Variants in CDIN1 observed in about 807,000 individuals in gnomAD.
CDIN1 encodes CDAN1 interacting nuclease 1.
CDIN1 carries 33 observed loss-of-function variants against 45.3 expected under a neutral mutation model. The observed-to-expected ratio is 0.73, with a 90% CI of 0.55 to 0.97. CDIN1 has a LOEUF of 0.97. Among genes scored for constraint, CDIN1 ranks in the 50% least tolerant of loss-of-function variants. The pLI is 0.00. For synonymous variants in CDIN1, 118 were observed against 124.4 expected (o/e 0.95, Z 0.34); for missense variants, 303 against 339.4 (o/e 0.89, Z 0.84).
chr15:36,736,370 T>C (rs935626685), intron 10 of CDIN1, among the ~76,000 whole-genome samples: 4 of 152,178 alleles, frequency 2.6e-5, no homozygotes, highest in Admixed American at 2.6e-4. Context: ...CTCTTCCCAT[T>C]GTTGTCCAGT....
At position 36,709,172 on chromosome 15, in the gene CDIN1, T is replaced by C; in HGVS notation, c.545-51T>C. ...AGAAATAAAAACAAATATATTCCTATCTTGTTAATTGAATAGTGTTTTAAG... is the reference window on the plus strand; with the variant it reads ...AGAAATAAAAACAAATATATTCCTACCTTGTTAATTGAATAGTGTTTTAAG... On this transcript the variant is annotated intron_variant, in intron 8 of 10. Transcript: ENST00000566621. 3.4e-6 allele frequency: 5 copies of C among 1,450,008 alleles called. No individual in the cohort carries two copies. In the South Asian group the frequency reaches 6.7e-5, roughly 19 times the overall value. The allele number at this position is 1,450,008 out of a possible 1,614,324, so 89.8% of individuals were successfully genotyped here. A position where few individuals can be genotyped will look rare whatever the true frequency, so the allele number is the denominator to read the frequency against.
At chr15:36,742,152 T>C (rs2044261318) in intron 10 of CDIN1, among the ~76,000 whole-genome samples, 1 of 152,046 alleles carries the variant, frequency 6.6e-6, no homozygotes, top group South Asian at 2.1e-4. Context: ...AACTAGTGTG[T>C]ATATGTGAGA....
At chr15:36,801,736 A>T (rs918723518) in intron 10 of CDIN1, among the ~76,000 whole-genome samples, 5 of 152,196 alleles carry the variant, frequency 3.3e-5, no homozygotes, top group African/African-American at 4.8e-5. Context: ...GTGATTCTGT[A>T]ATTCTCATTC....
At chr15:36,633,163 A>G (rs1188166796) in intron 1 of CDIN1, among the ~76,000 whole-genome samples, 1 of 152,204 alleles carries the variant, frequency 6.6e-6, no homozygotes. Flanking sequence ...AAGAACAGAG[A>G]ATGATAAATG....
chr15:36,655,324 T>G (rs1463830610), intron 4 of CDIN1, among the ~76,000 whole-genome samples: 1 of 28,548 alleles, frequency 3.5e-5, no homozygotes, highest in Non-Finnish European at 6.9e-5. Flanking sequence ...TTTTTTTTTT[T>G]GCTTTTTTTT....
At position 36,645,405 on chromosome 15, in the gene CDIN1, A is replaced by C. The variant is rs11073192; in HGVS notation, c.212+118A>C. On this transcript the variant is annotated intron_variant, in intron 3 of 10. Coordinates refer to ENST00000566621, the MANE Select transcript of CDIN1 (RefSeq NM_001321759.2). ...TATCCCAAGACATTGTGTTTTAAGT[A>C]TTTTATTCAAAACTTTTAGTATGTT... 858,270 of 894,820 alleles carry C rather than the reference A, an allele frequency of 0.96. 411,779 individuals are homozygous for C. Among genetic ancestry groups the C allele is most frequent in the East Asian group, 1 (36,371 of 36,398 alleles). The allele number at this position is 894,820 out of a possible 1,614,324, so 55.4% of individuals were successfully genotyped here.
intron 10 of CDIN1, among the ~76,000 whole-genome samples, chr15:36,794,735 C>G (rs1055511587): frequency 6.6e-6 from 1 of 152,120 alleles, no homozygotes. Flanking sequence ...TGTTCTTTCT[C>G]TTTTTAAAAA....
chr15:36,625,315 T>G lies in CDIN1; in HGVS notation c.102-18963T>G, dbSNP rs182129100. Among the ~76,000 whole-genome samples, 3 of 152,192 alleles carry G rather than the reference T, an allele frequency of 2.0e-5. No homozygotes were observed. In the East Asian group the frequency reaches 5.8e-4, roughly 29 times the overall value. ...AAAAAAGTATTCTAAACTTTTTTAC[T>G]CTGTGAAAAGGTTGGAAAGTAACTG... On this transcript the variant is annotated intron_variant, in intron 1 of 10. Coordinates refer to ENST00000566621, the MANE Select transcript of CDIN1 (RefSeq NM_001321759.2).
chr15:36,730,353 A>G (rs1231294784), intron 10 of CDIN1, among the ~76,000 whole-genome samples: 1 of 152,162 alleles, frequency 6.6e-6, no homozygotes, highest in Non-Finnish European at 1.5e-5. Context: ...CATGTTGGTA[A>G]TAAGTGGTTT....
chr15:36,797,505 A>G (rs932495510), intron 10 of CDIN1, among the ~76,000 whole-genome samples: 4 of 152,196 alleles, frequency 2.6e-5, no homozygotes, highest in African/African-American at 9.7e-5. Context: ...AACCATCAGT[A>G]GTGTTACTTA....
intron 1 of CDIN1, among the ~76,000 whole-genome samples, chr15:36,625,210 G>A (rs1032758848): frequency 6.6e-6 from 1 of 152,020 alleles, no homozygotes; most frequent in East Asian, 1.9e-4. Context: ...GAACCCGGGA[G>A]GCAGAGCTTG....
chr15:36,620,277 G>T (rs541980399), intron 1 of CDIN1, among the ~76,000 whole-genome samples: 1 of 152,076 alleles, frequency 6.6e-6, no homozygotes, highest in Non-Finnish European at 1.5e-5. Flanking sequence ...CGTGACACCG[G>T]GGGGCGGAGC....
At chr15:36,592,493 GT>G (rs531419640) in intron 1 of CDIN1, among the ~76,000 whole-genome samples, 172 of 152,270 alleles carry the variant, frequency 1.1e-3, no homozygotes, top group African/African-American at 3.9e-3. Flanking sequence ...TTTCATAGAT[GT>G]TTTTACACCC....
chr15:36,745,761 T>A (rs369089072), intron 10 of CDIN1, among the ~76,000 whole-genome samples: 3 of 151,136 alleles, frequency 2.0e-5, no homozygotes, highest in African/African-American at 7.3e-5. Context: ...AAGTCAGGAG[T>A]TCAAGACCGG....
chr15:36,660,393 T>A (rs2040961113), intron 5 of CDIN1, among the ~76,000 whole-genome samples: 1 of 152,130 alleles, frequency 6.6e-6, no homozygotes, highest in African/African-American at 2.4e-5. Context: ...AAAATCCTAT[T>A]CTTTTGGGGG....
chr15:36,808,475 A>G lies in CDIN1; in HGVS notation c.*22A>G, dbSNP rs1406496036. 1.2e-6 allele frequency: 2 copies of G among 1,612,586 alleles called. No homozygotes were observed. Among genetic ancestry groups the G allele is most frequent in the East Asian group, 2.2e-5 (1 of 44,844 alleles). On this transcript the variant is annotated 3_prime_UTR_variant, in exon 11 of 11. Transcript: ENST00000566621. Reference sequence around the variant, plus strand: ...TTGACCCTGAAGATCCTGGAAGAGAAGCTGGGAGGAAAAGGTGAATCCGGA... The same window carrying G: ...TTGACCCTGAAGATCCTGGAAGAGAGGCTGGGAGGAAAAGGTGAATCCGGA...
intron 10 of CDIN1, among the ~76,000 whole-genome samples, chr15:36,733,361 C>A (rs1037596622): frequency 6.6e-6 from 1 of 152,018 alleles, no homozygotes; most frequent in South Asian, 2.1e-4. Context: ...AGCACATATG[C>A]AGTATTTTCA....
At chr15:36,691,407 GCTTATTTATCTA>G in intron 5 of CDIN1, 1 of 331,778 alleles carries the variant, frequency 3.0e-6, no homozygotes. Context: ...CTTTTCGGAA[GCTTATTTATCTA>G]CAAAAGAGAC....
intron 1 of CDIN1, among the ~76,000 whole-genome samples, chr15:36,629,487 T>G (rs1241236087): frequency 6.6e-6 from 1 of 152,166 alleles, no homozygotes; most frequent in Non-Finnish European, 1.5e-5. Flanking sequence ...TATTTGTTAG[T>G]GGTTAACAAT....
Sources: gnomAD v4.1 joint callset for allele counts (sites outside exome capture counted in the v4.1 genomes callset) on GRCh38, gnomAD v4.1.1 for gene constraint, MANE v1.5 for transcripts, NCBI Gene and HGNC (gene_info 2026-07-23, HGNC 2026-07-21) for gene names.